The following JADE3 variants were observed in gnomAD, a reference collection of about 807,000 sequenced individuals.
JADE3 encodes the protein protein Jade-3.
JADE3 carries 2 observed loss-of-function variants against 50.1 expected under a neutral mutation model. The observed-to-expected ratio is 0.04, with a 90% confidence interval of 0.02 to 0.13. The LOEUF is 0.13. Among genes scored for constraint, JADE3 ranks in the 10% least tolerant of loss-of-function variants. JADE3 has a pLI of 1.00. For missense variants in JADE3, 475 were observed against 634.4 expected (o/e 0.75, Z 2.70); for synonymous variants, 218 against 232.9 (o/e 0.94, Z 0.58).
intron 3 of JADE3, 55 bp downstream of exon 3, chrX:46,985,847 C>A: frequency 1.2e-6 from 1 of 809,292 alleles, no homozygotes; most frequent in Non-Finnish European, 1.9e-6. Context: ...TGCTTGTCTT[C>A]CAAAACCTCA....
Position 47,060,297 on chromosome X carries a change from C to T in JADE3, c.*1220C>T, listed in dbSNP as rs1279164917. 9.1e-6 allele frequency: 1 copy of T among 110,293 alleles called. No individual in the cohort carries two copies. The highest frequency in any genetic ancestry group is 1.9e-5 in the Non-Finnish European group (1 of 52,753). 9.1% of individuals were successfully genotyped at this position (110,293 alleles called of 1,213,427 possible). A position where few individuals can be genotyped will look rare whatever the true frequency, so the allele number is the denominator to read the frequency against. On this transcript the variant is annotated 3_prime_UTR_variant, in exon 11 of 11. Coordinates refer to ENST00000614628, the MANE Select transcript of JADE3 (RefSeq NM_014735.5). ...CATTTAAATAAGAGAGAAATGATGC[C>T]GTTTTTTAAATGTGAAGCAGACTAT...
intron 1 of JADE3, among the ~76,000 whole-genome samples, chrX:46,933,056 C>A (rs1051780114): frequency 1.8e-5 from 2 of 112,098 alleles, no homozygotes; most frequent in Non-Finnish European, 3.8e-5. Flanking sequence ...TATACTATAG[C>A]TCATGTATAT....
intron 1 of JADE3, among the ~76,000 whole-genome samples, chrX:46,934,165 C>T (rs920301376): frequency 9.0e-6 from 1 of 111,382 alleles, no homozygotes; most frequent in Non-Finnish European, 1.9e-5. Flanking sequence ...GACGGAGTCT[C>T]GGCTCTGTCA....
chrX:47,000,528 A>G (rs1286605780), intron 4 of JADE3, among the ~76,000 whole-genome samples: 2 of 111,516 alleles, frequency 1.8e-5, no homozygotes, highest in Non-Finnish European at 3.8e-5. Flanking sequence ...GAATGGAGCA[A>G]CAGTTTAAGA....
At chrX:46,947,962 A>G (rs1926920311) in intron 1 of JADE3, among the ~76,000 whole-genome samples, 1 of 111,406 alleles carries the variant, frequency 9.0e-6, no homozygotes, top group South Asian at 3.8e-4. Flanking sequence ...TCCCTCCACC[A>G]GAGCCCACGT....
At chrX:46,921,924 T>A (rs1224478620) in intron 1 of JADE3, among the ~76,000 whole-genome samples, 2 of 109,421 alleles carry the variant, frequency 1.8e-5, no homozygotes, top group Non-Finnish European at 1.9e-5. Context: ...GTAATCCTTT[T>A]TTTTTTTTTT....
In JADE3 at chrX:46,935,917, A is replaced by G. The variant is rs887096989; in HGVS notation, c.-12+23198A>G. On this transcript the variant is annotated intron_variant, in intron 1 of 10. Transcript: ENST00000614628. ...GTGAACACGGCTCACTGCAGCCTTG[A>G]TCTCCTGGGCTAAAGCCTCGACCTC... Among the ~76,000 whole-genome samples the G allele has an allele frequency of 2.4e-4, 22 of 91,695 alleles. 1 individual carries two copies. Among genetic ancestry groups the G allele is most frequent in the African/African-American group, 8.7e-4 (20 of 22,986 alleles). 79.6% of individuals were successfully genotyped at this position (91,695 alleles called of 115,157 possible). A position where few individuals can be genotyped will look rare whatever the true frequency, so the allele number is the denominator to read the frequency against.
At chrX:47,020,234 G>A (rs1185769160) in intron 4 of JADE3, among the ~76,000 whole-genome samples, 3 of 110,349 alleles carry the variant, frequency 2.7e-5, no homozygotes, top group African/African-American at 9.9e-5. Flanking sequence ...GGGAGGCTGA[G>A]GCAGGAGAAT....
At chrX:46,975,714 C>CTT (rs782578317) in intron 1 of JADE3, among the ~76,000 whole-genome samples, 5,476 of 39,768 alleles carry the variant, frequency 0.14, 121 homozygotes, top group Middle Eastern at 0.19. Context: ...TTTTCTTTTT[C>CTT]TTTTTTTTTT....
At chrX:46,944,280 A>G (rs1272943765) in intron 1 of JADE3, among the ~76,000 whole-genome samples, 1 of 95,131 alleles carries the variant, frequency 1.1e-5, no homozygotes, top group Non-Finnish European at 2.1e-5. Context: ...GGGCTGTTAG[A>G]TCATTGAATT....
At chrX:47,043,136 G>A (rs782797146) in intron 8 of JADE3, among the ~76,000 whole-genome samples, 3 of 112,168 alleles carry the variant, frequency 2.7e-5, no homozygotes, top group African/African-American at 9.7e-5. Context: ...AAGAGCCATG[G>A]CATTACTAGG....
intron 1 of JADE3, among the ~76,000 whole-genome samples, chrX:46,971,515 G>T (rs1249538702): frequency 9.1e-6 from 1 of 109,433 alleles, no homozygotes; most frequent in Non-Finnish European, 1.9e-5. Context: ...CATAAAGCAG[G>T]CCGGGCACAG....
chrX:46,979,679 C>T (rs1037852701), intron 1 of JADE3, among the ~76,000 whole-genome samples: 2 of 110,574 alleles, frequency 1.8e-5, no homozygotes, highest in African/African-American at 6.6e-5. Context: ...AAGCCATGTA[C>T]GAGTGATATA....
chrX:47,009,975 C>A (rs868969630), intron 4 of JADE3, among the ~76,000 whole-genome samples: 2 of 97,109 alleles, frequency 2.1e-5, no homozygotes, highest in African/African-American at 3.7e-5. Flanking sequence ...CCGGGCATCT[C>A]AAAAAAAAAA....
intron 4 of JADE3, among the ~76,000 whole-genome samples, chrX:47,022,995 A>G (rs1367672516): frequency 9.0e-6 from 1 of 111,203 alleles, no homozygotes; most frequent in Admixed American, 9.6e-5. Flanking sequence ...GAAAATAATA[A>G]GGAATATAAA....
chrX:46,984,287 A>G (rs1405606098), intron 1 of JADE3, among the ~76,000 whole-genome samples: 5 of 111,985 alleles, frequency 4.5e-5, no homozygotes, highest in African/African-American at 1.6e-4. Flanking sequence ...TTTACCCTTC[A>G]CAATATAGGA....
intron 1 of JADE3, among the ~76,000 whole-genome samples, chrX:46,958,320 C>T (rs2147119274): frequency 8.9e-6 from 1 of 112,302 alleles, no homozygotes; most frequent in Admixed American, 9.4e-5. Flanking sequence ...AGTTAAATTT[C>T]ATCCTGTTTT....
rs1402538713 is a variant in JADE3, at chrX:46,964,784, A to G, written c.-11-20100A>G. Among the ~76,000 whole-genome samples the G allele has an allele frequency of 4.4e-5, 5 of 112,709 alleles. No individual in the cohort carries two copies. The Admixed American group carries it at 4.7e-4, about 11-fold the overall frequency. Reference sequence around the variant, plus strand: ...GACACTGAAATATGAATTTCACATAATTTTTATATGTCACAAAATATTTTT... The same window carrying G: ...GACACTGAAATATGAATTTCACATAGTTTTTATATGTCACAAAATATTTTT... On this transcript the variant is annotated intron_variant, in intron 1 of 10. Transcript: ENST00000614628.
rs191218467 is a variant in JADE3, at chrX:47,045,084, T to A, written c.972+6019T>A. On this transcript the variant is annotated intron_variant, in intron 8 of 10. Transcript: ENST00000614628. ...AATGGCAGGAATAAGTCCTTACTTA[T>A]CAATAACATTGAATGTAAATGGACA... Among the ~76,000 whole-genome samples the A allele has an allele frequency of 4.5e-4, 50 of 111,535 alleles. 2 individuals carry two copies. Among genetic ancestry groups the A allele is most frequent in the Non-Finnish European group, 9.4e-5 (5 of 53,016 alleles).
Sources: allele counts gnomAD v4.1 joint callset (sites outside exome capture counted in the v4.1 genomes callset), GRCh38; gene constraint gnomAD v4.1.1; transcripts MANE v1.5; gene names NCBI Gene and HGNC (gene_info 2026-07-23, HGNC 2026-07-21).